The following BBS9 variants were observed in gnomAD, a reference collection of about 807,000 sequenced individuals.
BBS9 encodes Bardet-Biedl syndrome 9, also known as protein PTHB1.
BBS9 carries 89 observed loss-of-function variants against 117.7 expected under a neutral mutation model. That is an observed-to-expected ratio of 0.76 (90% CI 0.64 to 0.90). The LOEUF (loss-of-function observed/expected upper bound fraction) is 0.90. BBS9 is among the 40% of genes least tolerant of loss of function. The pLI, the probability that BBS9 is intolerant of heterozygous loss-of-function variation, is 0.00. For missense variants in BBS9, 982 were observed against 1,042.2 expected (o/e 0.94, Z 0.80); for synonymous variants, 379 against 370.9 (o/e 1.02, Z -0.25).
intron 19 of BBS9, among the ~76,000 whole-genome samples, chr7:33,469,091 T>A (rs1840614324): frequency 6.6e-6 from 1 of 152,124 alleles, no homozygotes; most frequent in Non-Finnish European, 1.5e-5. Context: ...TAGAGTAGAT[T>A]GACTGTGCAT....
At chr7:33,221,901 A>G (rs1169224786) in intron 5 of BBS9, among the ~76,000 whole-genome samples, 1 of 147,580 alleles carries the variant, frequency 6.8e-6, no homozygotes, top group Non-Finnish European at 1.5e-5. Flanking sequence ...AAAATCATAT[A>G]TATATATACA....
chr7:33,351,918 T>C (rs1358690289), intron 14 of BBS9: 1 of 158,724 alleles, frequency 6.3e-6, no homozygotes, highest in African/African-American at 2.4e-5. Context: ...TTCGATTGGC[T>C]AAAAGACATT....
rs372796886 is a variant in BBS9, at chr7:33,544,956, AG to A, written c.2521+10782del. On this transcript the variant is annotated intron_variant, in intron 21 of 22. Coordinates refer to ENST00000242067, the MANE Select transcript of BBS9 (RefSeq NM_198428.3). ...TATGGCTGCCCCTGCTGAGTCATGC[AG>A]GTTGTCAGGGAAGTGGGGGAAAGCC... Among the ~76,000 whole-genome samples, 509 of 152,112 alleles carry A rather than the reference AG, an allele frequency of 3.3e-3. 1 individual carries two copies. The highest frequency in any genetic ancestry group is 5.9e-3 in the Non-Finnish European group (398 of 67,968).
At chr7:33,488,948 G>A (rs1341560343) in intron 19 of BBS9, among the ~76,000 whole-genome samples, 1 of 151,000 alleles carries the variant, frequency 6.6e-6, no homozygotes, top group Admixed American at 6.6e-5. Flanking sequence ...TGTAAGTGGC[G>A]TGTTTGTCTG....
rs140179176 is a variant in BBS9 at position 33,514,306 on chromosome 7, T to G, written c.2298+8661T>G. Reference sequence around the variant, plus strand: ...CATTCGGATTTGATTTCAGGTTGCTTTCTTTTTATATTCTTACTGAACCAG... The same window carrying G: ...CATTCGGATTTGATTTCAGGTTGCTGTCTTTTTATATTCTTACTGAACCAG... On this transcript the variant is annotated intron_variant, in intron 20 of 22. Coordinates refer to ENST00000242067, the MANE Select transcript of BBS9 (RefSeq NM_198428.3). 6.0e-3 allele frequency among the ~76,000 whole-genome samples: 914 copies of G among 152,288 alleles called. 11 individuals are homozygous for G. The highest frequency in any genetic ancestry group is 0.021 in the African/African-American group (879 of 41,544).
At chr7:33,144,676 C>G (rs1792056179) in intron 1 of BBS9, among the ~76,000 whole-genome samples, 1 of 152,140 alleles carries the variant, frequency 6.6e-6, no homozygotes, top group Non-Finnish European at 1.5e-5. Flanking sequence ...GAAGTGCTGT[C>G]TAATGTTCCT....
At chr7:33,192,706 A>G (rs1447973699) in intron 5 of BBS9, among the ~76,000 whole-genome samples, 2 of 152,202 alleles carry the variant, frequency 1.3e-5, no homozygotes, top group Admixed American at 6.5e-5. Flanking sequence ...ACAGACATTT[A>G]TTTCTCACAG....
At chr7:33,449,932 C>T (rs781405237) in intron 19 of BBS9, among the ~76,000 whole-genome samples, 1 of 152,096 alleles carries the variant, frequency 6.6e-6, no homozygotes, top group Non-Finnish European at 1.5e-5. Flanking sequence ...CAATATTGTC[C>T]ACCACATATA....
At chr7:33,478,979 A>G (rs1052161864) in intron 19 of BBS9, among the ~76,000 whole-genome samples, 1 of 151,488 alleles carries the variant, frequency 6.6e-6, no homozygotes, top group African/African-American at 2.4e-5. Context: ...ATTTACTGAT[A>G]GCTGTCATTC....
intron 19 of BBS9, among the ~76,000 whole-genome samples, chr7:33,403,307 A>AT (rs1238364324): frequency 2.0e-3 from 274 of 137,626 alleles, no homozygotes; most frequent in African/African-American, 6.8e-3. Flanking sequence ...GTTTTACTTT[A>AT]TTTTTTTTTA....
intron 5 of BBS9, among the ~76,000 whole-genome samples, chr7:33,248,314 A>G (rs545614813): frequency 6.6e-6 from 1 of 152,322 alleles, no homozygotes; most frequent in Non-Finnish European, 1.5e-5. Context: ...CTAAGGTTTT[A>G]AACTTAGAAT....
intron 1 of BBS9, among the ~76,000 whole-genome samples, chr7:33,145,559 GTGAATGCTTTT>G (rs1792205154): frequency 6.6e-6 from 1 of 152,196 alleles, no homozygotes; most frequent in South Asian, 2.1e-4. Context: ...GCAAGAGGAA[GTGAATGCTTTT>G]TGAGTACCTA....
intron 19 of BBS9, among the ~76,000 whole-genome samples, chr7:33,455,443 A>G (rs1323916467): frequency 2.0e-5 from 3 of 152,248 alleles, no homozygotes; most frequent in Non-Finnish European, 4.4e-5. Context: ...CATATTTTAT[A>G]GAAAGTCAGC....
rs988863110 is a variant in BBS9, at chr7:33,157,986, G to A, written c.328+2284G>A. On this transcript the variant is annotated intron_variant, in intron 4 of 22. Transcript: ENST00000242067. ...AGTTTCTGAATAAATGGTTACAGAT[G>A]TGTGAGTGTGAGCCGTACTGATTAT... Among the ~76,000 whole-genome samples the A allele has an allele frequency of 2.6e-5, 4 of 152,250 alleles. No individual in the cohort carries two copies. In the East Asian group the frequency reaches 5.8e-4, roughly 22 times the overall value.
At chr7:33,133,996 G>A (rs747925543) in intron 1 of BBS9, among the ~76,000 whole-genome samples, 43 of 152,148 alleles carry the variant, frequency 2.8e-4, no homozygotes, top group Non-Finnish European at 5.4e-4. Context: ...TGTCATAGTA[G>A]GTGTGAAGTC....
At chr7:33,192,215 C>T (rs1347981099) in intron 5 of BBS9, among the ~76,000 whole-genome samples, 16 of 152,112 alleles carry the variant, frequency 1.1e-4, no homozygotes, top group Admixed American at 1.0e-3. Flanking sequence ...AAAGCCTTTA[C>T]TTTATATGCA....
intron 20 of BBS9, among the ~76,000 whole-genome samples, chr7:33,528,386 G>T (rs1450718677): frequency 6.6e-6 from 1 of 151,898 alleles, no homozygotes; most frequent in African/African-American, 2.4e-5. Context: ...GTTTAACTGT[G>T]TACACATTTG....
intron 5 of BBS9, among the ~76,000 whole-genome samples, chr7:33,199,109 A>T (rs1237596282): frequency 1.3e-5 from 2 of 152,018 alleles, no homozygotes; most frequent in Non-Finnish European, 2.9e-5. Context: ...TCTTTTTGAA[A>T]GATGGCGACA....
chr7:33,577,700 C>T (rs924730650), intron 21 of BBS9, among the ~76,000 whole-genome samples: 2 of 152,164 alleles, frequency 1.3e-5, no homozygotes, highest in Non-Finnish European at 2.9e-5. Context: ...GGCACATATA[C>T]ACCATGGAAT....
Sources: gnomAD v4.1 joint callset for allele counts (sites outside exome capture counted in the v4.1 genomes callset) on GRCh38, gnomAD v4.1.1 for gene constraint, MANE v1.5 for transcripts, NCBI Gene and HGNC (gene_info 2026-07-23, HGNC 2026-07-21) for gene names.